Variants in DOCK3 observed in about 807,000 individuals in gnomAD.
DOCK3 encodes the protein dedicator of cytokinesis 3.
DOCK3 carries 60 observed loss-of-function variants against 265.6 expected under a neutral mutation model. The ratio of observed to expected loss-of-function variants is 0.23; its 90% CI spans 0.18 to 0.28. DOCK3 has a LOEUF of 0.28. Among genes scored for constraint, DOCK3 ranks in the 10% least tolerant of loss-of-function variants. The pLI is 1.00. For synonymous variants in DOCK3, 881 were observed against 938.0 expected, an observed-to-expected ratio of 0.94 and a Z score of 1.11; for missense variants, 1,981 against 2,594.3, an observed-to-expected ratio of 0.76 and a Z score of 5.14.
At chr3:50,954,214 C>T (rs1360763443) in intron 5 of DOCK3, among the ~76,000 whole-genome samples, 4 of 152,080 alleles carry the variant, frequency 2.6e-5, no homozygotes, top group Non-Finnish European at 5.9e-5. Flanking sequence ...GGTCCTGTTG[C>T]GACTGGCTTA....
chr3:50,885,402 A>G (rs1305102241), intron 3 of DOCK3, among the ~76,000 whole-genome samples: 1 of 146,844 alleles, frequency 6.8e-6, no homozygotes, highest in Non-Finnish European at 1.5e-5. Flanking sequence ...CATCTTTTCA[A>G]CTCATTTGGG....
intron 9 of DOCK3, among the ~76,000 whole-genome samples, chr3:51,106,265 T>A (rs1350862726): frequency 6.6e-6 from 1 of 152,202 alleles, no homozygotes; most frequent in East Asian, 1.9e-4. Context: ...CCTGCATCAG[T>A]GCAGCCCTCA....
intron 27 of DOCK3, among the ~76,000 whole-genome samples, chr3:51,294,243 C>T (rs1335965565): frequency 6.6e-6 from 1 of 152,064 alleles, no homozygotes; most frequent in African/African-American, 2.4e-5. Context: ...TATACACAGG[C>T]AATACTATTC....
At chr3:51,140,967 T>G (rs2085032002) in intron 9 of DOCK3, among the ~76,000 whole-genome samples, 1 of 152,168 alleles carries the variant, frequency 6.6e-6, no homozygotes, top group Non-Finnish European at 1.5e-5. Context: ...TAAGAGAACT[T>G]TATATATTAT....
chr3:51,143,711 A>G (rs1374933076), intron 9 of DOCK3, among the ~76,000 whole-genome samples: 1 of 152,142 alleles, frequency 6.6e-6, no homozygotes, highest in Non-Finnish European at 1.5e-5. Flanking sequence ...CTTATTGGAC[A>G]TTTTGTATGT....
At chr3:50,990,117 GATGA>G (rs1276531547) in intron 5 of DOCK3, among the ~76,000 whole-genome samples, 1 of 151,978 alleles carries the variant, frequency 6.6e-6, no homozygotes, top group Non-Finnish European at 1.5e-5. Flanking sequence ...AAAGACTAAA[GATGA>G]ATGAACAAAA....
At chr3:51,360,771 A>G in intron 47 of DOCK3, 139 bp downstream of exon 47, 1 of 1,173,906 alleles carries the variant, frequency 8.5e-7, no homozygotes, top group Non-Finnish European at 1.2e-6. Context: ...CTCCTGCCAT[A>G]GGACCCACAC....
chr3:50,970,016 G>C (rs1426159546), intron 5 of DOCK3, among the ~76,000 whole-genome samples: 1 of 152,084 alleles, frequency 6.6e-6, no homozygotes, highest in Non-Finnish European at 1.5e-5. Flanking sequence ...AGCTTCCAGT[G>C]AGCCGAGATA....
In DOCK3 at chr3:50,688,758, C is replaced by T. The variant is rs530732926; in HGVS notation, c.37+13458C>T. Among the ~76,000 whole-genome samples, 5 of 152,288 alleles carry T rather than the reference C, an allele frequency of 3.3e-5. No individual in the cohort carries two copies. In the East Asian group the frequency reaches 7.7e-4, roughly 23 times the overall value. On this transcript the variant is annotated intron_variant, in intron 1 of 52. Transcript: ENST00000266037. ...GGATTACAGGTATGAGCCACCATGCCTGGCCGGTATTTTCTTTTAAATGCA... is the reference window on the plus strand; with the variant it reads ...GGATTACAGGTATGAGCCACCATGCTTGGCCGGTATTTTCTTTTAAATGCA...
intron 51 of DOCK3, among the ~76,000 whole-genome samples, chr3:51,378,506 G>T (rs1224905878): frequency 1.3e-5 from 2 of 152,186 alleles, no homozygotes; most frequent in Non-Finnish European, 2.9e-5. Flanking sequence ...GCCACCTCAG[G>T]CTCAATGTAG....
intron 2 of DOCK3, among the ~76,000 whole-genome samples, chr3:50,815,385 C>A (rs1286805306): frequency 6.6e-6 from 1 of 152,104 alleles, no homozygotes; most frequent in Non-Finnish European, 1.5e-5. Flanking sequence ...ATGTACATAT[C>A]AATTTCTCCC....
chr3:51,024,162 A>C (rs1194186040), intron 5 of DOCK3, among the ~76,000 whole-genome samples: 1 of 152,194 alleles, frequency 6.6e-6, no homozygotes, highest in South Asian at 2.1e-4. Context: ...TGTTATAGAA[A>C]GTCTTTGTGC....
chr3:51,018,868 A>G (rs1457803361), intron 5 of DOCK3, among the ~76,000 whole-genome samples: 1 of 151,806 alleles, frequency 6.6e-6, no homozygotes, highest in Non-Finnish European at 1.5e-5. Context: ...CAGTGTTTTT[A>G]TTGATTTGTA....
At chr3:50,703,716 G>C (rs538989088) in intron 1 of DOCK3, among the ~76,000 whole-genome samples, 1 of 151,876 alleles carries the variant, frequency 6.6e-6, no homozygotes, top group African/African-American at 2.4e-5. Flanking sequence ...GGTTACTGTA[G>C]TTAACTGTTT....
At chr3:51,060,211 G>C (rs2081363252) in intron 5 of DOCK3, among the ~76,000 whole-genome samples, 2 of 151,276 alleles carry the variant, frequency 1.3e-5, no homozygotes, top group South Asian at 4.2e-4. Flanking sequence ...TGTTCCTGTA[G>C]AGGTCAGTGA....
chr3:50,905,354 G>A (rs771040717), intron 4 of DOCK3, among the ~76,000 whole-genome samples: 2 of 152,046 alleles, frequency 1.3e-5, no homozygotes, highest in African/African-American at 4.8e-5. Context: ...ACCTTGGGCA[G>A]TATGGCCATT....
intron 1 of DOCK3, among the ~76,000 whole-genome samples, chr3:50,735,110 CT>C (rs2038502148): frequency 6.6e-6 from 1 of 151,150 alleles, no homozygotes; most frequent in East Asian, 1.9e-4. Flanking sequence ...GTTTTTTTTT[CT>C]TTTGGAACTT....
At chr3:50,883,517 T>C (rs1384688744) in intron 3 of DOCK3, among the ~76,000 whole-genome samples, 1 of 152,160 alleles carries the variant, frequency 6.6e-6, no homozygotes, top group Non-Finnish European at 1.5e-5. Flanking sequence ...ACTACTTTTT[T>C]TTAGGGTATT....
intron 15 of DOCK3, among the ~76,000 whole-genome samples, chr3:51,226,987 A>C (rs1251574836): frequency 6.6e-6 from 1 of 152,056 alleles, no homozygotes; most frequent in African/African-American, 2.4e-5. Context: ...GAGGATGAGG[A>C]GCCTACCTTG....
Sources: gnomAD v4.1 joint callset for allele counts (sites outside exome capture counted in the v4.1 genomes callset) on GRCh38, gnomAD v4.1.1 for gene constraint, MANE v1.5 for transcripts, NCBI Gene and HGNC (gene_info 2026-07-23, HGNC 2026-07-21) for gene names.